The following C10orf90 variants were observed in gnomAD, a reference collection of about 807,000 sequenced individuals.
The protein encoded by C10orf90 is chromosome 10 open reading frame 90.
Under a neutral mutation model 62.5 loss-of-function variants are expected in C10orf90, and 56 were observed. That is an observed-to-expected ratio of 0.90 (90% CI 0.72 to 1.12). The LOEUF (loss-of-function observed/expected upper bound fraction) is 1.12, where lower values mean the gene tolerates loss of function less well. Among genes scored for constraint, C10orf90 ranks in the 50% most tolerant of loss-of-function variants. The probability of loss-of-function intolerance (pLI) is 0.00; values close to 1 mark genes in which losing one functional copy is unlikely to be tolerated. For missense variants in C10orf90, 970 were observed against 880.4 expected, an observed-to-expected ratio of 1.10 and a Z score of -1.29; for synonymous variants, 386 against 340.4, an observed-to-expected ratio of 1.13 and a Z score of -1.47.
rs758582033 is a variant in C10orf90, at chr10:126,502,763, T to C, written c.1534+1194A>G. 7.8e-6 allele frequency: 4 copies of C among 511,486 alleles called. No individual in the cohort carries two copies. In the African/African-American group the frequency reaches 7.9e-5, roughly 10 times the overall value. The allele number at this position is 511,486 out of a possible 1,614,324, so 31.7% of individuals were successfully genotyped here. A position where few individuals can be genotyped will look rare whatever the true frequency, so the allele number is the denominator to read the frequency against. ...GACGAAGTGCTTAGCTTGAGCAATC[T>C]CTTTAACCACTAAAGTGGGATTTAT... is the stretch of plus-strand genomic sequence containing the variant. On this transcript the variant is annotated intron_variant, in intron 4 of 9. Coordinates refer to ENST00000488181, the MANE Select transcript of C10orf90 (RefSeq NM_001350921.2).
intron 2 of C10orf90, among the ~76,000 whole-genome samples, chr10:126,627,299 C>T (rs1473927898): frequency 6.6e-6 from 1 of 152,160 alleles, no homozygotes; most frequent in South Asian, 2.1e-4. Flanking sequence ...TGCACCTGGC[C>T]TCTTTTTTCT....
At chr10:126,433,048 A>C (rs1857684837) in intron 7 of C10orf90, among the ~76,000 whole-genome samples, 1 of 152,178 alleles carries the variant, frequency 6.6e-6, no homozygotes, top group South Asian at 2.1e-4. Flanking sequence ...GAGATAGGTC[A>C]GGCAATTGCA....
chr10:126,543,560 C>T (rs1327786946), intron 2 of C10orf90, among the ~76,000 whole-genome samples: 1 of 152,088 alleles, frequency 6.6e-6, no homozygotes, highest in East Asian at 1.9e-4. Context: ...TTAGACCTTC[C>T]CATCAGGACT....
intron 2 of C10orf90, among the ~76,000 whole-genome samples, chr10:126,567,637 C>T (rs528331160): frequency 6.6e-6 from 1 of 152,224 alleles, no homozygotes; most frequent in East Asian, 1.9e-4. Context: ...GAGGAGACCA[C>T]AGAAAGGGGT....
At chr10:126,471,948 C>T (rs1796996725) in intron 4 of C10orf90, among the ~76,000 whole-genome samples, 2 of 151,120 alleles carry the variant, frequency 1.3e-5, no homozygotes, top group Admixed American at 1.3e-4. Context: ...CACACGTGCA[C>T]ACACTCATGC....
chr10:126,601,352 A>T (rs1227857167), intron 2 of C10orf90, among the ~76,000 whole-genome samples: 2 of 152,238 alleles, frequency 1.3e-5, no homozygotes, highest in Non-Finnish European at 2.9e-5. Flanking sequence ...CTTGCCCCCA[A>T]AAAGTAACTA....
chr10:126,580,659 A>G (rs1844729391), intron 2 of C10orf90, among the ~76,000 whole-genome samples: 1 of 151,684 alleles, frequency 6.6e-6, no homozygotes, highest in Admixed American at 6.6e-5. Flanking sequence ...TCTCAAAAAA[A>G]AAAAAAAAGA....
intron 2 of C10orf90, among the ~76,000 whole-genome samples, chr10:126,626,741 T>G (rs1188217255): frequency 6.6e-6 from 1 of 152,220 alleles, no homozygotes; most frequent in Non-Finnish European, 1.5e-5. Flanking sequence ...GTGCAATGGC[T>G]GCTGCTGGCA....
intron 4 of C10orf90, among the ~76,000 whole-genome samples, chr10:126,492,234 GGT>G (rs1861805661): frequency 6.6e-6 from 1 of 152,156 alleles, no homozygotes; most frequent in Non-Finnish European, 1.5e-5. Context: ...AGACATTTTT[GGT>G]TGTGTGCTAG....
intron 3 of C10orf90, among the ~76,000 whole-genome samples, chr10:126,505,779 A>T (rs187407864): frequency 1.3e-5 from 2 of 152,052 alleles, no homozygotes; most frequent in African/African-American, 2.4e-5. Context: ...ACATGGAGAA[A>T]CCCCGTCTCC....
intron 2 of C10orf90, among the ~76,000 whole-genome samples, chr10:126,634,299 A>G (rs1211125279): frequency 6.6e-6 from 1 of 152,200 alleles, no homozygotes; most frequent in African/African-American, 2.4e-5. Flanking sequence ...AGTTTATAAA[A>G]AGAAGGAAAT....
intron 2 of C10orf90, among the ~76,000 whole-genome samples, chr10:126,551,026 T>C (rs1377340265): frequency 6.6e-6 from 1 of 152,162 alleles, no homozygotes; most frequent in Non-Finnish European, 1.5e-5. Flanking sequence ...AGCCCTAACA[T>C]CTCAATCATT....
At chr10:126,460,710 G>A (rs1564808077) in intron 6 of C10orf90, among the ~76,000 whole-genome samples, 2 of 152,062 alleles carry the variant, frequency 1.3e-5, no homozygotes, top group Non-Finnish European at 2.9e-5. Context: ...GCCTCACCCA[G>A]GTCCCACCGA....
At chr10:126,597,882 G>A (rs1845117713) in intron 2 of C10orf90, among the ~76,000 whole-genome samples, 1 of 152,092 alleles carries the variant, frequency 6.6e-6, no homozygotes, top group African/African-American at 2.4e-5. Context: ...TACAAATATG[G>A]AAACAAGATA....
intron 2 of C10orf90, among the ~76,000 whole-genome samples, chr10:126,604,035 G>A (rs11597150): frequency 0.063 from 9,561 of 152,244 alleles, 344 homozygotes; most frequent in Middle Eastern, 0.12. Context: ...AAGCTTGAGC[G>A]GAAGGGATGG....
At chr10:126,623,077 G>A (rs1257588041) in intron 2 of C10orf90, among the ~76,000 whole-genome samples, 1 of 152,160 alleles carries the variant, frequency 6.6e-6, no homozygotes, top group Non-Finnish European at 1.5e-5. Flanking sequence ...GACCCTGCCT[G>A]GCCAGCAGCT....
chr10:126,600,707 A>G (rs1845181954), intron 2 of C10orf90, among the ~76,000 whole-genome samples: 1 of 152,018 alleles, frequency 6.6e-6, no homozygotes, highest in Admixed American at 6.6e-5. Flanking sequence ...AAAAGACTGA[A>G]TGTGTGTGTG....
intron 1 of C10orf90, among the ~76,000 whole-genome samples, chr10:126,647,783 C>A (rs1185128581): frequency 6.6e-6 from 1 of 152,184 alleles, no homozygotes; most frequent in Non-Finnish European, 1.5e-5. Flanking sequence ...TCATTGAATT[C>A]TCCCACCTCT....
Position 126,464,816 on chromosome 10 carries a change from G to T in C10orf90, c.1705C>A (p.Arg569=), listed in dbSNP as rs114882604. The change falls in exon 5 of 10, where the codon CGA becomes AGA. Residue 569 remains arginine, a synonymous_variant. Coordinates refer to ENST00000488181, the MANE Select transcript of C10orf90 (RefSeq NM_001350921.2). The stretch of plus-strand genomic sequence containing the variant: ...CTGGGTTTCAGGAAGCTTTGATGTC[G>T]TCTCTCTGTGGGCTCAGAAAGGTCT... ...SRDLSEPTER[R]HQSFLKPRIL... is the part of the protein sequence containing the mutation. The T allele has an allele frequency of 6.2e-7, 1 of 1,614,048 alleles. No individual in the cohort carries two copies. The highest frequency in any genetic ancestry group is 2.2e-5 in the East Asian group (1 of 44,864).
Sources: gnomAD v4.1 joint callset for allele counts (sites outside exome capture counted in the v4.1 genomes callset) on GRCh38, gnomAD v4.1.1 for gene constraint, MANE v1.5 for transcripts, NCBI Gene and HGNC (gene_info 2026-07-23, HGNC 2026-07-21) for gene names.